PHAX: variants seen among roughly 807,000 people sequenced by gnomAD.
PHAX encodes phosphorylated adaptor for RNA export, also known as phosphorylated adapter RNA export protein.
A neutral mutation model predicts 41.6 loss-of-function variants in PHAX; 31 were observed. The ratio of observed to expected loss-of-function variants is 0.75; its 90% CI spans 0.56 to 1.01. The LOEUF is 1.01. Ranked by LOEUF, PHAX falls within the 50% of genes least tolerant of loss-of-function variation. PHAX has a pLI of 0.00. For synonymous variants in PHAX, 175 were observed against 164.9 expected (o/e 1.06, Z -0.47); for missense variants, 453 against 472.9 (o/e 0.96, Z 0.39).
intron 3 of PHAX, among the ~76,000 whole-genome samples, chr5:126,608,691 C>T (rs1322400824): frequency 6.6e-6 from 1 of 152,050 alleles, no homozygotes; most frequent in African/African-American, 2.4e-5. Context: ...ATTCCTAGCA[C>T]TTTGGGAGGC....
At position 126,617,318 on chromosome 5, in the gene PHAX, C is replaced by G; in HGVS notation, c.900C>G (p.Ser300Arg). 1.2e-6 allele frequency: 2 copies of G among 1,604,088 alleles called. No individual in the cohort carries two copies. Among genetic ancestry groups the G allele is most frequent in the Non-Finnish European group, 1.7e-6 (2 of 1,171,836 alleles). Residue 300 changes from serine (S) to arginine (R), a missense_variant, in exon 4 of 5, where the codon AGC becomes AGG. By Grantham distance (110) the Ser-to-Arg change is moderately radical (BLOSUM62 -1). Coordinates refer to ENST00000297540, the MANE Select transcript of PHAX (RefSeq NM_032177.4). ...TCTTGAAAAACACTCCTAGTATCAG[C>G]GAGGAACAAATTAAGGTAATGATAA... is the stretch of plus-strand genomic sequence containing the variant. ...LNLLKNTPSI[S>R]EEQIKDIFYI...
intron 3 of PHAX, among the ~76,000 whole-genome samples, chr5:126,611,737 A>C (rs1015757726): frequency 6.6e-6 from 1 of 151,258 alleles, no homozygotes; most frequent in Admixed American, 6.6e-5. Flanking sequence ...GCTGCAGTGA[A>C]CTGTAATCGT....
chr5:126,617,199 C>T (rs1472870468), intron 3 of PHAX, 51 bp from the exon 4 acceptor site: 1 of 1,142,490 alleles, frequency 8.8e-7, no homozygotes, highest in Admixed American at 1.9e-5. Flanking sequence ...GATGCCTTGA[C>T]CATTTATGGG....
intron 3 of PHAX, among the ~76,000 whole-genome samples, chr5:126,608,781 A>G (rs1752027497): frequency 6.6e-6 from 1 of 151,906 alleles, no homozygotes; most frequent in Non-Finnish European, 1.5e-5. Context: ...TACTAAAAAT[A>G]CAAAATTAGC....
chr5:126,615,323 A>G (rs925735651), intron 3 of PHAX, among the ~76,000 whole-genome samples: 1 of 152,106 alleles, frequency 6.6e-6, no homozygotes, highest in Non-Finnish European at 1.5e-5. Flanking sequence ...ATAACCTCAA[A>G]TCAATACTAG....
chr5:126,620,987 C>T lies in PHAX; in HGVS notation c.916-3588C>T, dbSNP rs187636680. ...CTGACTTCAGGTGATCCACCCTCCTCGGCCTCCCAAAGTGCTGGAATTACA... is the reference window on the plus strand; with the variant it reads ...CTGACTTCAGGTGATCCACCCTCCTTGGCCTCCCAAAGTGCTGGAATTACA... On this transcript the variant is annotated intron_variant, in intron 4 of 4. Transcript: ENST00000297540. Among the ~76,000 whole-genome samples the T allele has an allele frequency of 5.1e-3, 775 of 152,244 alleles. 13 individuals are homozygous for T. Among genetic ancestry groups the T allele is most frequent in the African/African-American group, 0.018 (745 of 41,556 alleles).
intron 4 of PHAX, among the ~76,000 whole-genome samples, chr5:126,623,286 A>G (rs1005255682): frequency 3.9e-5 from 6 of 152,154 alleles, no homozygotes; most frequent in Non-Finnish European, 4.4e-5. Flanking sequence ...CCCCATCTCT[A>G]TCAAAAACTT....
intron 3 of PHAX, among the ~76,000 whole-genome samples, chr5:126,612,412 T>C (rs1444780851): frequency 6.6e-6 from 1 of 152,074 alleles, no homozygotes; most frequent in African/African-American, 2.4e-5. Flanking sequence ...AGAAATGCAT[T>C]TCCTAGGCCG....
rs1446673638 is a variant in PHAX, at chr5:126,600,947, A to T, written c.-16A>T. ...CTCCTGACCCGCCGCTGTGCAGCGC[A>T]GCGCACCGCGGGAAGATGGCGTTGG... On this transcript the variant is annotated 5_prime_UTR_variant, in exon 1 of 5. Coordinates refer to ENST00000297540, the MANE Select transcript of PHAX (RefSeq NM_032177.4). 1.9e-6 allele frequency: 3 copies of T among 1,587,762 alleles called. No homozygotes were observed. In the South Asian group the frequency reaches 3.3e-5, roughly 18 times the overall value.
chr5:126,607,781 G>A (rs775453268), intron 2 of PHAX, among the ~76,000 whole-genome samples: 1 of 152,138 alleles, frequency 6.6e-6, no homozygotes, highest in Non-Finnish European at 1.5e-5. Context: ...ACCTCTCAGT[G>A]ACAAAATGAA....
In PHAX at chr5:126,604,274, C is replaced by CTTTTT. The variant is rs57270218; in HGVS notation, c.710+106_710+110dup. ...TGCCAAATACTTTAATGATATGTTC[C>CTTTTT]TTTTTTTTTTTTTTTTTTTGGAGAC... On this transcript the variant is annotated intron_variant, in intron 2 of 4. Coordinates refer to ENST00000297540, the MANE Select transcript of PHAX (RefSeq NM_032177.4). The CTTTTT allele has an allele frequency of 4.1e-3, 2,660 of 643,166 alleles. 8 individuals carry two copies. The highest frequency in any genetic ancestry group is 0.015 in the East Asian group (344 of 22,776). 39.8% of individuals were successfully genotyped at this position (643,166 alleles called of 1,614,324 possible). A position where few individuals can be genotyped will look rare whatever the true frequency, so the allele number is the denominator to read the frequency against.
At chr5:126,603,211 C>T (rs149959769) in intron 1 of PHAX, among the ~76,000 whole-genome samples, 14 of 147,874 alleles carry the variant, frequency 9.5e-5, no homozygotes, top group Middle Eastern at 3.4e-3. Context: ...GCCTCGGCCA[C>T]AGAACAAAAC....
At position 126,603,752 on chromosome 5, in the gene PHAX, A is replaced by G; in HGVS notation, c.279A>G (p.Lys93=). The part of the protein sequence containing the change: ...KRQKCFNPPP[K]PEPFQFGQSS... ...AGAAATGTTTTAACCCTCCTCCCAA[A>G]CCAGAGCCTTTTCAGTTTGGCCAGA... is the stretch of plus-strand genomic sequence containing the variant. The change falls in exon 2 of 5, where the codon AAA becomes AAG. Residue 93 remains lysine, a synonymous_variant. Transcript: ENST00000297540. 1 of 1,614,126 alleles carries G rather than the reference A, an allele frequency of 6.2e-7. No individual in the cohort carries two copies. Among genetic ancestry groups the G allele is most frequent in the East Asian group, 2.2e-5 (1 of 44,882 alleles).
intron 3 of PHAX, among the ~76,000 whole-genome samples, chr5:126,610,033 G>A (rs752971806): frequency 8.5e-5 from 13 of 152,140 alleles, no homozygotes; most frequent in African/African-American, 1.9e-4. Flanking sequence ...CACTGTGCCC[G>A]GTCAACACTT....
intron 2 of PHAX, among the ~76,000 whole-genome samples, chr5:126,605,552 A>G (rs10058423): frequency 0.16 from 23,407 of 149,260 alleles, 2,393 homozygotes; most frequent in East Asian, 0.31. Flanking sequence ...ACCACACCCA[A>G]ATAATTTTTT....
intron 2 of PHAX, among the ~76,000 whole-genome samples, chr5:126,604,451 G>C (rs1751958894): frequency 1.3e-5 from 2 of 151,916 alleles, no homozygotes; most frequent in Non-Finnish European, 2.9e-5. Flanking sequence ...TTTTAATAGA[G>C]ACAGGGTCTT....
At chr5:126,607,783 C>T (rs372700950) in intron 2 of PHAX, among the ~76,000 whole-genome samples, 3 of 152,230 alleles carry the variant, frequency 2.0e-5, no homozygotes, top group African/African-American at 7.2e-5. Flanking sequence ...CTCTCAGTGA[C>T]AAAATGAAAA....
chr5:126,619,802 T>A (rs6865227), intron 4 of PHAX, among the ~76,000 whole-genome samples: 41,222 of 152,056 alleles, frequency 0.27, 7,112 homozygotes, highest in African/African-American at 0.48. Flanking sequence ...AAAATTTGTT[T>A]TCTTTTAATT....
Position 126,608,214 on chromosome 5 carries a change from T to G in PHAX, c.711-150T>G, listed in dbSNP as rs74635516. 267 of 831,008 alleles carry G rather than the reference T, an allele frequency of 3.2e-4. 1 individual carries two copies. The East Asian group carries it at 7.5e-3, about 23-fold the overall frequency. The allele number at this position is 831,008 out of a possible 1,614,324, so 51.5% of individuals were successfully genotyped here. A position where few individuals can be genotyped will look rare whatever the true frequency, so the allele number is the denominator to read the frequency against. On this transcript the variant is annotated intron_variant, in intron 2 of 4. Transcript: ENST00000297540. ...TTCTGTGACCCAAGATTAGGAATAT[T>G]TACATGTCAGTGATTCCAAGATTAA...
Sources: allele counts gnomAD v4.1 joint callset (sites outside exome capture counted in the v4.1 genomes callset), GRCh38; gene constraint gnomAD v4.1.1; transcripts MANE v1.5; gene names NCBI Gene and HGNC (gene_info 2026-07-23, HGNC 2026-07-21).